Variants in PTPRS observed in about 807,000 individuals in gnomAD.
PTPRS encodes receptor-type tyrosine-protein phosphatase S.
A neutral mutation model predicts 215.3 loss-of-function variants in PTPRS; 63 were observed. That is an observed-to-expected ratio of 0.29 (90% confidence interval 0.24 to 0.36). The LOEUF (loss-of-function observed/expected upper bound fraction) is 0.36. PTPRS is among the 10% of genes least tolerant of loss of function. The pLI, the probability that PTPRS is intolerant of heterozygous loss-of-function variation, is 1.00. For missense variants in PTPRS, 2,258 were observed against 2,825.8 expected, an observed-to-expected ratio of 0.80 and a Z score of 4.56; for synonymous variants, 1,404 against 1,191.4, an observed-to-expected ratio of 1.18 and a Z score of -3.68.
At position 5,240,662 on chromosome 19, in the gene PTPRS, A is replaced by G. The variant is rs545028451; in HGVS notation, c.1571-330T>C. Among the ~76,000 whole-genome samples the G allele has an allele frequency of 2.6e-4, 39 of 151,362 alleles. 1 individual carries two copies. The South Asian group carries it at 8.0e-3, about 31-fold the overall frequency. On this transcript the variant is annotated intron_variant, in intron 11 of 37. Coordinates refer to ENST00000262963, the MANE Select transcript of PTPRS (RefSeq NM_002850.4). ...AGACCATCCTGGCTAACATGGTGAAACCTCGTCTCTACTAAAAATACAAAA... is the reference window on the plus strand; with the variant it reads ...AGACCATCCTGGCTAACATGGTGAAGCCTCGTCTCTACTAAAAATACAAAA...
intron 4 of PTPRS, among the ~76,000 whole-genome samples, chr19:5,268,685 T>G (rs2046639102): frequency 6.6e-6 from 1 of 152,066 alleles, no homozygotes; most frequent in South Asian, 2.1e-4. Context: ...ACTAACAGCA[T>G]CCCAGGCGCA....
Position 5,218,793 on chromosome 19 carries a change from G to T in PTPRS, c.3929C>A (p.Pro1310His). Residue 1310 changes from proline (P) to histidine (H), a missense_variant, in exon 24 of 38, where the codon CCC becomes CAC. Around this residue, in one of 6 missense-constraint regions of PTPRS, gnomAD observed 927 missense variants for 1,125.9 expected, o/e 0.82. Transcript: ENST00000262963. Reference protein sequence around the residue: ...VIAILLYKNKPDSKRKDSEPR... With the variant: ...VIAILLYKNKHDSKRKDSEPR... ...GGGGAGGGCTGGTTCTTACCTGTCGGGTTTGCTGTTCCCGAAAGCAGACAC... is the reference window on the plus strand; with the variant it reads ...GGGGAGGGCTGGTTCTTACCTGTCGTGTTTGCTGTTCCCGAAAGCAGACAC... 1 of 1,604,726 alleles carries T rather than the reference G, an allele frequency of 6.2e-7. No individual in the cohort carries two copies. Among genetic ancestry groups the T allele is most frequent in the East Asian group, 2.2e-5 (1 of 44,826 alleles).
intron 11 of PTPRS, among the ~76,000 whole-genome samples, chr19:5,243,198 G>C (rs551432854): frequency 6.7e-6 from 1 of 150,210 alleles, no homozygotes; most frequent in Non-Finnish European, 1.5e-5. Context: ...GCAATGGTGC[G>C]ATCTTGGCTC....
intron 35 of PTPRS, 41 bp from the exon 36 acceptor site, chr19:5,208,432 C>T (rs563092739): frequency 2.2e-5 from 33 of 1,476,214 alleles, no homozygotes; most frequent in Admixed American, 1.8e-4. Context: ...AGGTCAGCAG[C>T]GGCCATGGGG....
At chr19:5,260,755 T>G in intron 7 of PTPRS, 50 bp downstream of exon 7, 1 of 1,609,296 alleles carries the variant, frequency 6.2e-7, no homozygotes, top group Middle Eastern at 1.7e-4. Context: ...AGGGGCTGAG[T>G]GGGCAGCAAG....
intron 2 of PTPRS, chr19:5,277,853 G>A (rs1287297897): frequency 4.7e-6 from 4 of 842,646 alleles, no homozygotes; most frequent in Non-Finnish European, 8.1e-6. Context: ...AAACCCAGAG[G>A]TATTGACAAC....
intron 1 of PTPRS, among the ~76,000 whole-genome samples, chr19:5,309,098 C>A (rs1041195780): frequency 1.3e-5 from 2 of 152,118 alleles, no homozygotes; most frequent in African/African-American, 4.8e-5. Context: ...TGAGGGGAGC[C>A]TGGAAACCAC....
intron 2 of PTPRS, among the ~76,000 whole-genome samples, chr19:5,277,197 C>T (rs886524787): frequency 1.3e-5 from 2 of 151,830 alleles, no homozygotes; most frequent in Non-Finnish European, 2.9e-5. Flanking sequence ...GTAGCTGGGA[C>T]TACAGGTACC....
At chr19:5,303,948 C>T (rs972545664) in intron 1 of PTPRS, among the ~76,000 whole-genome samples, 1 of 48,956 alleles carries the variant, frequency 2.0e-5, no homozygotes, top group African/African-American at 1.9e-4. Flanking sequence ...GAGACTCTGT[C>T]TCAAAAAATA....
intron 4 of PTPRS, among the ~76,000 whole-genome samples, chr19:5,268,777 C>T (rs563953862): frequency 6.6e-6 from 1 of 152,344 alleles, no homozygotes; most frequent in East Asian, 1.9e-4. Context: ...ACACACTTGT[C>T]CCAGGTCATA....
At chr19:5,248,758 C>T (rs988150284) in intron 9 of PTPRS, among the ~76,000 whole-genome samples, 2 of 152,210 alleles carry the variant, frequency 1.3e-5, no homozygotes, top group African/African-American at 4.8e-5. Flanking sequence ...TCCAGGCAGA[C>T]GTGGAGGAGC....
chr19:5,336,835 C>G (rs1331359279), intron 1 of PTPRS, among the ~76,000 whole-genome samples: 1 of 152,128 alleles, frequency 6.6e-6, no homozygotes, highest in Non-Finnish European at 1.5e-5. Context: ...TCTTCAAATT[C>G]CCCTCCCTGG....
At chr19:5,222,442 G>A (rs1196470736) in intron 18 of PTPRS, among the ~76,000 whole-genome samples, 2 of 138,288 alleles carry the variant, frequency 1.4e-5, no homozygotes, top group African/African-American at 5.4e-5. Context: ...GCTGCAGAAA[G>A]AAGGTGGAGG....
At chr19:5,304,957 G>A (rs1352445350) in intron 1 of PTPRS, among the ~76,000 whole-genome samples, 1 of 149,764 alleles carries the variant, frequency 6.7e-6, no homozygotes, top group Non-Finnish European at 1.5e-5. Context: ...CTGGTGAGGG[G>A]GGGTGGGGTG....
intron 27 of PTPRS, 38 bp downstream of exon 27, chr19:5,215,460 G>T: frequency 6.2e-7 from 1 of 1,608,428 alleles, no homozygotes; most frequent in South Asian, 1.1e-5. Flanking sequence ...TGCCTGTGAG[G>T]CCGAGGTGAT....
At chr19:5,218,303 C>G (rs936376517) in intron 25 of PTPRS, 117 bp downstream of exon 25, 1 of 820,732 alleles carries the variant, frequency 1.2e-6, no homozygotes, top group African/African-American at 1.7e-5. Flanking sequence ...CAGAATGTGG[C>G]TGCACCAAGC....
intron 4 of PTPRS, among the ~76,000 whole-genome samples, chr19:5,266,670 C>T (rs1370591118): frequency 6.6e-6 from 1 of 152,080 alleles, no homozygotes; most frequent in Non-Finnish European, 1.5e-5. Flanking sequence ...ACCTGCCTTT[C>T]TAAACATAAA....
chr19:5,282,950 C>T (rs1490675364), intron 2 of PTPRS, among the ~76,000 whole-genome samples: 1 of 152,136 alleles, frequency 6.6e-6, no homozygotes, highest in African/African-American at 2.4e-5. Flanking sequence ...CCACAAGTAC[C>T]GTGGATGTCC....
intron 9 of PTPRS, among the ~76,000 whole-genome samples, chr19:5,250,660 G>C (rs1219946007): frequency 6.7e-6 from 1 of 148,960 alleles, no homozygotes. Context: ...GGTGGGCGGT[G>C]GGGTGGGGGG....
Sources: allele counts gnomAD v4.1 joint callset (sites outside exome capture counted in the v4.1 genomes callset), GRCh38; gene constraint gnomAD v4.1.1; regional missense constraint gnomAD v4.1.1; transcripts MANE v1.5; gene names NCBI Gene and HGNC (gene_info 2026-07-23, HGNC 2026-07-21).